MORC1: variants seen among roughly 807,000 people sequenced by gnomAD.
MORC1 encodes MORC family CW-type zinc finger protein 1.
MORC1 carries 59 observed loss-of-function variants against 134.9 expected under a neutral mutation model. That is an observed-to-expected ratio of 0.44 (90% confidence interval 0.35 to 0.54). The LOEUF (loss-of-function observed/expected upper bound fraction) is 0.54. Among genes scored for constraint, MORC1 ranks in the 20% least tolerant of loss-of-function variants. MORC1 has a pLI of 0.00. For missense variants in MORC1, 947 were observed against 1,134.5 expected (o/e 0.83, Z 2.37); for synonymous variants, 395 against 391.7 (o/e 1.01, Z -0.10).
intron 21 of MORC1, among the ~76,000 whole-genome samples, chr3:108,995,280 G>A (rs1447410243): frequency 6.6e-6 from 1 of 152,178 alleles, no homozygotes; most frequent in Non-Finnish European, 1.5e-5. Context: ...TCCTGACAAA[G>A]GCTAGCATAC....
At chr3:109,044,554 C>A (rs1407246472) in intron 14 of MORC1, among the ~76,000 whole-genome samples, 4 of 83,864 alleles carry the variant, frequency 4.8e-5, no homozygotes, top group African/African-American at 6.2e-5. Context: ...CGAGACTCCA[C>A]CTCAAAAAAA....
At chr3:109,084,147 T>C (rs1223039772) in intron 8 of MORC1, among the ~76,000 whole-genome samples, 1 of 152,112 alleles carries the variant, frequency 6.6e-6, no homozygotes, top group Non-Finnish European at 1.5e-5. Context: ...ATACTGAAAG[T>C]TCTGGTCATA....
chr3:109,058,366 T>C (rs1014891304), intron 12 of MORC1, among the ~76,000 whole-genome samples: 6 of 152,138 alleles, frequency 3.9e-5, no homozygotes, highest in African/African-American at 1.4e-4. Flanking sequence ...AGATTAGGTA[T>C]ATAACAATCA....
chr3:109,063,366 G>C (rs1447161063), intron 9 of MORC1, 135 bp from the exon 10 acceptor site: 1 of 498,022 alleles, frequency 2.0e-6, no homozygotes, highest in African/African-American at 1.9e-5. Flanking sequence ...GTTGCATCCA[G>C]CTGGTAAATT....
chr3:109,067,888 C>T (rs1055185520), intron 9 of MORC1, among the ~76,000 whole-genome samples: 1 of 152,040 alleles, frequency 6.6e-6, no homozygotes, highest in Non-Finnish European at 1.5e-5. Context: ...GATAGCAAGG[C>T]CCTACTCAGG....
At chr3:109,051,498 A>G (rs1464998918) in intron 14 of MORC1, among the ~76,000 whole-genome samples, 1 of 152,152 alleles carries the variant, frequency 6.6e-6, no homozygotes, top group Admixed American at 6.5e-5. Flanking sequence ...GACCTTGATT[A>G]CTTGATTTAG....
intron 17 of MORC1, among the ~76,000 whole-genome samples, chr3:109,012,627 T>C (rs917688708): frequency 6.6e-6 from 1 of 152,222 alleles, no homozygotes; most frequent in African/African-American, 2.4e-5. Context: ...AGGTCTTACA[T>C]GTATTTCGTC....
At chr3:109,039,272 G>A (rs890574816) in intron 14 of MORC1, among the ~76,000 whole-genome samples, 1 of 152,156 alleles carries the variant, frequency 6.6e-6, no homozygotes, top group Non-Finnish European at 1.5e-5. Context: ...AGCAGAGGGT[G>A]CTGTAGATTA....
At position 109,118,070 on chromosome 3, in the gene MORC1, A is replaced by T. The variant is rs2107818232; in HGVS notation, c.-11T>A. Reference sequence around the variant, plus strand: ...GTACCTGTCGTCCATGCCCTCGAACACGACCCGCGCAACTCAAGGGGACAA... The same window carrying T: ...GTACCTGTCGTCCATGCCCTCGAACTCGACCCGCGCAACTCAAGGGGACAA... On this transcript the variant is annotated 5_prime_UTR_variant, in exon 1 of 28. Transcript: ENST00000232603. The T allele has an allele frequency of 1.0e-5, 16 of 1,605,314 alleles. No homozygotes were observed. Among genetic ancestry groups the T allele is most frequent in the Non-Finnish European group, 1.4e-5 (16 of 1,176,126 alleles).
At chr3:108,979,729 T>C (rs1255799465) in intron 23 of MORC1, 62 bp from the exon 24 acceptor site, 2 of 1,565,678 alleles carry the variant, frequency 1.3e-6, no homozygotes, top group African/African-American at 2.7e-5. Flanking sequence ...GAAACACTAA[T>C]ATACAAAAAT....
In MORC1 at chr3:109,005,163, A is replaced by G. The variant is rs763682127; in HGVS notation, c.1920T>C (p.Ile640=). 6.2e-7 allele frequency: 1 copy of G among 1,613,876 alleles called. No individual in the cohort carries two copies. Among genetic ancestry groups the G allele is most frequent in the Admixed American group, 1.7e-5 (1 of 59,970 alleles). ...TTTTCTCCTCCATAGACTTTTTCAT[A>G]ATTTTTGTTTCTGAAATATACTCTA... ...SDVEYISETK[I]MKKSMEEKMN... Residue 640 remains isoleucine, a synonymous_variant, in exon 19 of 28, where the codon ATT becomes ATC. Coordinates refer to ENST00000232603, the MANE Select transcript of MORC1 (RefSeq NM_014429.4).
chr3:109,095,824 G>A (rs1173445383), intron 6 of MORC1, among the ~76,000 whole-genome samples: 2 of 151,842 alleles, frequency 1.3e-5, no homozygotes, highest in African/African-American at 4.8e-5. Flanking sequence ...ATTACATTAA[G>A]GATTCCCCAA....
intron 17 of MORC1, among the ~76,000 whole-genome samples, chr3:109,025,379 C>CTTTTTTTTTTTTTTTTTTTTT: frequency 9.5e-6 from 1 of 105,100 alleles, no homozygotes; most frequent in Non-Finnish European, 1.9e-5. Context: ...TTTCTTTTTT[C>CTTTTTTTTTTTTTTTTTTTTT]TTTTTTTTTT....
At chr3:109,086,727 T>A in intron 8 of MORC1, among the ~76,000 whole-genome samples, 1 of 152,068 alleles carries the variant, frequency 6.6e-6, no homozygotes, top group East Asian at 1.9e-4. Flanking sequence ...AGTACTGATG[T>A]ACAGGTGGAC....
At chr3:108,984,987 A>G (rs1947857813) in intron 22 of MORC1, among the ~76,000 whole-genome samples, 1 of 152,214 alleles carries the variant, frequency 6.6e-6, no homozygotes, top group Admixed American at 6.5e-5. Context: ...TTTATGTAGT[A>G]TATATAGTTA....
intron 17 of MORC1, among the ~76,000 whole-genome samples, chr3:109,011,775 C>T (rs1225244759): frequency 1.3e-5 from 2 of 152,178 alleles, no homozygotes; most frequent in Admixed American, 1.3e-4. Flanking sequence ...CCCACCTTGG[C>T]CTCCCAAAGT....
intron 21 of MORC1, among the ~76,000 whole-genome samples, chr3:108,991,431 G>A (rs1948057801): frequency 6.6e-6 from 1 of 152,164 alleles, no homozygotes; most frequent in Non-Finnish European, 1.5e-5. Flanking sequence ...AATTCAGGAT[G>A]ATTCCCAGGT....
At chr3:108,969,567 T>C in intron 26 of MORC1, 102 bp downstream of exon 26, 2 of 1,205,526 alleles carry the variant, frequency 1.7e-6, no homozygotes, top group Non-Finnish European at 2.4e-6. Context: ...TGAATGCAAA[T>C]TTGATTTCCT....
chr3:109,111,061 A>AAAAC (rs1553764972), intron 2 of MORC1, among the ~76,000 whole-genome samples: 23 of 150,730 alleles, frequency 1.5e-4, no homozygotes, highest in South Asian at 4.2e-4. Flanking sequence ...AAAAAAAAAA[A>AAAAC]AAAAAAACAA....
Sources: gnomAD v4.1 joint callset for allele counts (sites outside exome capture counted in the v4.1 genomes callset) on GRCh38, gnomAD v4.1.1 for gene constraint, MANE v1.5 for transcripts, NCBI Gene and HGNC (gene_info 2026-07-23, HGNC 2026-07-21) for gene names.